The following ARHGAP15 variants were observed in gnomAD, a reference collection of about 807,000 sequenced individuals.
The protein encoded by ARHGAP15 is rho GTPase-activating protein 15.
ARHGAP15 carries 51 observed loss-of-function variants against 63.7 expected under a neutral mutation model. That is an observed-to-expected ratio of 0.80 (90% CI 0.64 to 1.01). ARHGAP15 has a LOEUF of 1.01. Ranked by LOEUF, ARHGAP15 falls within the 50% of genes least tolerant of loss-of-function variation. The pLI, the probability that ARHGAP15 is intolerant of heterozygous loss-of-function variation, is 0.00. For synonymous variants in ARHGAP15, 191 were observed against 193.8 expected (o/e 0.99, Z 0.12); for missense variants, 560 against 564.6 (o/e 0.99, Z 0.08).
intron 9 of ARHGAP15, among the ~76,000 whole-genome samples, chr2:143,489,513 C>T (rs1266449614): frequency 1.3e-5 from 2 of 152,020 alleles, no homozygotes; most frequent in Non-Finnish European, 2.9e-5. Flanking sequence ...TAGCTATGAA[C>T]TTTTTTTAAG....
intron 2 of ARHGAP15, among the ~76,000 whole-genome samples, chr2:143,191,941 A>T (rs1691699362): frequency 6.6e-6 from 1 of 152,192 alleles, no homozygotes; most frequent in Non-Finnish European, 1.5e-5. Flanking sequence ...ACTTTCTCTT[A>T]TAAACCGTAT....
At chr2:143,663,257 T>C (rs1681934422) in intron 12 of ARHGAP15, among the ~76,000 whole-genome samples, 1 of 148,978 alleles carries the variant, frequency 6.7e-6, no homozygotes, top group Non-Finnish European at 1.5e-5. Flanking sequence ...TGGGGGCCAA[T>C]ATTCAACATT....
chr2:143,373,304 A>G (rs1686645583), intron 6 of ARHGAP15, among the ~76,000 whole-genome samples: 1 of 152,162 alleles, frequency 6.6e-6, no homozygotes, highest in Non-Finnish European at 1.5e-5. Flanking sequence ...CCAAGAATCC[A>G]TGTGCTTAAC....
At chr2:143,378,662 T>C (rs554707735) in intron 6 of ARHGAP15, among the ~76,000 whole-genome samples, 165 of 152,192 alleles carry the variant, frequency 1.1e-3, no homozygotes, top group Admixed American at 2.6e-3. Flanking sequence ...CCAGTTCTGC[T>C]AAAAGTAGAA....
rs1382101064 is a variant in ARHGAP15 at position 143,662,565 on chromosome 2, G to C, written c.1138+38298G>C. Among the ~76,000 whole-genome samples, 5 of 131,840 alleles carry C rather than the reference G, an allele frequency of 3.8e-5. No homozygotes were observed. The Admixed American group carries it at 4.2e-4, about 11-fold the overall frequency. 86.5% of individuals were successfully genotyped at this position (131,840 alleles called of 152,430 possible). ...CAGCAACGGAACAAAGCTGGATGGAGAATGACTTTGACGAGCCGAGAGAAG... is the reference window on the plus strand; with the variant it reads ...CAGCAACGGAACAAAGCTGGATGGACAATGACTTTGACGAGCCGAGAGAAG... On this transcript the variant is annotated intron_variant, in intron 12 of 13. Transcript: ENST00000295095.
rs571040302 is a variant in ARHGAP15 at position 143,631,821 on chromosome 2, T to G, written c.1138+7554T>G. On this transcript the variant is annotated intron_variant, in intron 12 of 13. Transcript: ENST00000295095. Reference sequence around the variant, plus strand: ...TTTAATTTTGATAAAGTCCAGTTTATCCATTTTGTCTTTTATGGATCTTGC... The same window carrying G: ...TTTAATTTTGATAAAGTCCAGTTTAGCCATTTTGTCTTTTATGGATCTTGC... Among the ~76,000 whole-genome samples, 14 of 152,120 alleles carry G rather than the reference T, an allele frequency of 9.2e-5. No homozygotes were observed. The South Asian group carries it at 2.9e-3, about 32-fold the overall frequency.
At chr2:143,527,596 C>T (rs1694333108) in intron 10 of ARHGAP15, among the ~76,000 whole-genome samples, 1 of 151,758 alleles carries the variant, frequency 6.6e-6, no homozygotes, top group South Asian at 2.1e-4. Flanking sequence ...TATAGTAGAC[C>T]AGAGACCCAA....
chr2:143,582,986 A>G (rs898319695), intron 11 of ARHGAP15, among the ~76,000 whole-genome samples: 3 of 152,200 alleles, frequency 2.0e-5, no homozygotes, highest in Non-Finnish European at 4.4e-5. Flanking sequence ...TCAGATGGGA[A>G]CTGTGTAGAT....
At chr2:143,562,036 C>A (rs926614891) in intron 11 of ARHGAP15, among the ~76,000 whole-genome samples, 1 of 151,940 alleles carries the variant, frequency 6.6e-6, no homozygotes, top group Non-Finnish European at 1.5e-5. Flanking sequence ...ATTTTATTGG[C>A]ATAATAATCC....
chr2:143,397,476 C>T (rs1687818962), intron 6 of ARHGAP15, among the ~76,000 whole-genome samples: 2 of 151,622 alleles, frequency 1.3e-5, no homozygotes, highest in African/African-American at 4.8e-5. Flanking sequence ...ATTGCTAAAT[C>T]TCTTAGATTC....
intron 9 of ARHGAP15, among the ~76,000 whole-genome samples, chr2:143,499,010 T>TA (rs1692938405): frequency 6.6e-6 from 1 of 152,148 alleles, no homozygotes; most frequent in Non-Finnish European, 1.5e-5. Flanking sequence ...TTATTCTCAT[T>TA]AAAAAATATT....
intron 11 of ARHGAP15, among the ~76,000 whole-genome samples, chr2:143,570,439 C>A (rs1171286437): frequency 2.0e-5 from 3 of 152,200 alleles, no homozygotes; most frequent in African/African-American, 7.2e-5. Flanking sequence ...CTAAACATTT[C>A]TTAAGGGCAG....
intron 12 of ARHGAP15, among the ~76,000 whole-genome samples, chr2:143,693,029 T>A (rs1246653031): frequency 6.6e-6 from 1 of 150,970 alleles, no homozygotes; most frequent in Non-Finnish European, 1.5e-5. Context: ...AAGTGATAGT[T>A]TTTTTTTAAT....
At chr2:143,460,430 C>T (rs1002199185) in intron 8 of ARHGAP15, among the ~76,000 whole-genome samples, 1 of 152,110 alleles carries the variant, frequency 6.6e-6, no homozygotes, top group Non-Finnish European at 1.5e-5. Flanking sequence ...GCATGAATGA[C>T]AGACATCTGG....
chr2:143,577,277 C>T (rs1367086379), intron 11 of ARHGAP15, among the ~76,000 whole-genome samples: 1 of 152,120 alleles, frequency 6.6e-6, no homozygotes, highest in Admixed American at 6.6e-5. Flanking sequence ...TCACTGGGGA[C>T]TGTAAAGAAA....
intron 12 of ARHGAP15, among the ~76,000 whole-genome samples, chr2:143,644,441 G>T (rs567669099): frequency 6.6e-6 from 1 of 152,066 alleles, no homozygotes; most frequent in East Asian, 1.9e-4. Flanking sequence ...ATCAGCTTCC[G>T]GGGAGAAATG....
At chr2:143,166,161 C>T (rs1002543430) in intron 2 of ARHGAP15, among the ~76,000 whole-genome samples, 12 of 152,086 alleles carry the variant, frequency 7.9e-5, no homozygotes, top group African/African-American at 2.7e-4. Context: ...TCATCCACAA[C>T]ACAATCTGGG....
chr2:143,657,671 A>T (rs1324235346), intron 12 of ARHGAP15, among the ~76,000 whole-genome samples: 2 of 152,244 alleles, frequency 1.3e-5, no homozygotes, highest in African/African-American at 2.4e-5. Context: ...CTTGAAAATG[A>T]GTAAACTATT....
At chr2:143,437,549 C>G (rs907667977) in intron 8 of ARHGAP15, among the ~76,000 whole-genome samples, 2 of 152,124 alleles carry the variant, frequency 1.3e-5, no homozygotes, top group Non-Finnish European at 2.9e-5. Context: ...AAGGTCACAC[C>G]TAGTTCTAAT....
Sources: allele counts gnomAD v4.1 joint callset (sites outside exome capture counted in the v4.1 genomes callset), GRCh38; gene constraint gnomAD v4.1.1; transcripts MANE v1.5; gene names NCBI Gene and HGNC (gene_info 2026-07-23, HGNC 2026-07-21).